Variants in SIK3 observed in about 807,000 individuals in gnomAD.
SIK3 encodes serine/threonine-protein kinase SIK3.
SIK3 carries 28 observed loss-of-function variants against 144.2 expected under a neutral mutation model. That is an observed-to-expected ratio of 0.19 (90% CI 0.14 to 0.27). SIK3 has a LOEUF of 0.27. SIK3 is among the 10% of genes least tolerant of loss of function. The pLI is 1.00. For missense variants in SIK3, 1,319 were observed against 1,776.0 expected (o/e 0.74, Z 4.62); for synonymous variants, 686 against 676.3 (o/e 1.01, Z -0.22).
In SIK3 at chr11:116,849,303, T is replaced by A; in HGVS notation, c.3656-20A>T. The A allele has an allele frequency of 6.2e-7, 1 of 1,613,752 alleles. No homozygotes were observed. Among genetic ancestry groups the A allele is most frequent in the Non-Finnish European group, 8.5e-7 (1 of 1,179,810 alleles). ...CAGGCTCTGAGGAGACACAGCAGAA[T>A]AGAGTCAGTGGGGCGGAACTTCTCC... On this transcript the variant is annotated intron_variant, in intron 21 of 24. Coordinates refer to ENST00000445177, the MANE Select transcript of SIK3 (RefSeq NM_001366686.3). The surrounding 1 kb of genome is among the most constrained non-coding windows in gnomAD (Gnocchi z 4.2).
chr11:117,076,601 A>C (rs531729021), intron 1 of SIK3, among the ~76,000 whole-genome samples: 4 of 151,826 alleles, frequency 2.6e-5, no homozygotes, highest in Non-Finnish European at 5.9e-5. Flanking sequence ...ATCTTGGCTC[A>C]CTGCAACCTC....
intron 6 of SIK3, among the ~76,000 whole-genome samples, chr11:116,895,484 G>A (rs772219110): frequency 1.3e-5 from 2 of 152,186 alleles, no homozygotes; most frequent in Admixed American, 6.5e-5. Flanking sequence ...TCACCTCTTT[G>A]TTCTAAAATG....
At chr11:116,946,766 C>A (rs1474319826) in intron 3 of SIK3, among the ~76,000 whole-genome samples, 1 of 152,144 alleles carries the variant, frequency 6.6e-6, no homozygotes, top group Non-Finnish European at 1.5e-5. Flanking sequence ...CTCAAAATAG[C>A]ACCCAATGCC....
chr11:116,990,545 A>T (rs958965583), intron 1 of SIK3, among the ~76,000 whole-genome samples: 1 of 152,202 alleles, frequency 6.6e-6, no homozygotes, highest in African/African-American at 2.4e-5. Flanking sequence ...TTGAAAGTAA[A>T]TTTTTTAAAA....
chr11:116,955,073 A>G (rs1318594823), intron 2 of SIK3, among the ~76,000 whole-genome samples: 1 of 151,912 alleles, frequency 6.6e-6, no homozygotes, highest in African/African-American at 2.4e-5. Flanking sequence ...TTAGTTTTAC[A>G]CTTAAATTAA....
intron 4 of SIK3, among the ~76,000 whole-genome samples, chr11:116,901,466 A>G (rs1945737157): frequency 6.6e-6 from 1 of 152,212 alleles, no homozygotes; most frequent in Non-Finnish European, 1.5e-5. Flanking sequence ...GGGGTGTGGC[A>G]GTCAGGACCA....
In SIK3 at chr11:116,934,450, T is replaced by C. The variant is rs536383212; in HGVS notation, c.455-7070A>G. On this transcript the variant is annotated intron_variant, in intron 3 of 24. Transcript: ENST00000445177. The stretch of plus-strand genomic sequence containing the variant: ...CACTAACATATATGACCTGTCTTCA[T>C]ATATCCAAGTCTGTACTTGGCATAC... Among the ~76,000 whole-genome samples the C allele has an allele frequency of 2.6e-3, 401 of 152,362 alleles. 5 individuals are homozygous for C. The highest frequency in any genetic ancestry group is 9.4e-3 in the African/African-American group (390 of 41,594).
chr11:117,035,873 G>C, intron 1 of SIK3: 1 of 1,596,090 alleles, frequency 6.3e-7, no homozygotes, highest in African/African-American at 1.3e-5. Flanking sequence ...GAGGACAGTG[G>C]AGCAGCCAAC....
Position 116,914,112 on chromosome 11 carries a change from A to C in SIK3, c.616+13107T>G, listed in dbSNP as rs114130267. Among the ~76,000 whole-genome samples, 1,405 of 152,258 alleles carry C rather than the reference A, an allele frequency of 9.2e-3. 14 individuals carry two copies. The highest frequency in any genetic ancestry group is 0.025 in the African/African-American group (1,039 of 41,548). On this transcript the variant is annotated intron_variant, in intron 4 of 24. Transcript: ENST00000445177. ...AGCTAATAGGAAACAAACAAACAAA[A>C]AAAAACTTCAAATGAGAGCAGACAT...
chr11:116,916,106 T>C (rs563451427), intron 4 of SIK3, among the ~76,000 whole-genome samples: 4 of 152,336 alleles, frequency 2.6e-5, no homozygotes, highest in African/African-American at 9.6e-5. Context: ...ATGAATCTCT[T>C]GGAACACTGA....
chr11:116,875,718 G>C, intron 9 of SIK3, 148 bp downstream of exon 9: 1 of 1,034,630 alleles, frequency 9.7e-7, no homozygotes, highest in Non-Finnish European at 1.4e-6. Flanking sequence ...TCTTTGATTG[G>C]CCTCTGACAA....
At chr11:117,063,498 CCTT>C (rs1953888410) in intron 1 of SIK3, among the ~76,000 whole-genome samples, 1 of 152,034 alleles carries the variant, frequency 6.6e-6, no homozygotes, top group South Asian at 2.1e-4. Flanking sequence ...GGTAAATAAT[CCTT>C]CTGGCCTGAT....
At chr11:116,921,124 T>A (rs984881066) in intron 4 of SIK3, among the ~76,000 whole-genome samples, 8 of 152,214 alleles carry the variant, frequency 5.3e-5, no homozygotes, top group Admixed American at 3.3e-4. Flanking sequence ...AGGCCAAGAA[T>A]CCTACTCTTT....
intron 3 of SIK3, among the ~76,000 whole-genome samples, chr11:116,943,734 T>C (rs993537336): frequency 6.6e-6 from 1 of 152,160 alleles, no homozygotes; most frequent in Admixed American, 6.5e-5. Context: ...ACTCTACCAA[T>C]GTATAGCAAC....
intron 6 of SIK3, among the ~76,000 whole-genome samples, chr11:116,894,910 C>T (rs940364830): frequency 1.3e-5 from 2 of 152,156 alleles, no homozygotes; most frequent in Admixed American, 1.3e-4. Context: ...TACCTTTTAG[C>T]CTACCGGCAA....
chr11:117,091,230 G>A (rs1555151285), intron 1 of SIK3, among the ~76,000 whole-genome samples: 1 of 120,256 alleles, frequency 8.3e-6, no homozygotes, highest in South Asian at 2.7e-4. Flanking sequence ...TTGAGACGGA[G>A]TTTCACTCTT....
At chr11:116,943,569 T>A (rs1309026318) in intron 3 of SIK3, among the ~76,000 whole-genome samples, 2 of 152,178 alleles carry the variant, frequency 1.3e-5, no homozygotes, top group Non-Finnish European at 2.9e-5. Context: ...GCCTTCACAT[T>A]CATCAAAGAC....
intron 1 of SIK3, among the ~76,000 whole-genome samples, chr11:117,024,341 C>T (rs909700818): frequency 4.0e-5 from 6 of 149,748 alleles, no homozygotes; most frequent in Non-Finnish European, 8.9e-5. Flanking sequence ...AAAAGCATTA[C>T]CAATATTGGC....
rs74866260 is a variant in SIK3 at position 117,076,356 on chromosome 11, T to C, written c.273+21787A>G. Among the ~76,000 whole-genome samples, 8 of 152,254 alleles carry C rather than the reference T, an allele frequency of 5.3e-5. No homozygotes were observed. In the East Asian group the frequency reaches 1.5e-3, roughly 29 times the overall value. On this transcript the variant is annotated intron_variant, in intron 1 of 24. Transcript: ENST00000445177. ...AAATCATTAATTTGAACTCCAATGA[T>C]TAAATGAGCACAATGCAGACCATCC...
Sources: gnomAD v4.1 joint callset for allele counts (sites outside exome capture counted in the v4.1 genomes callset) on GRCh38, gnomAD v4.1.1 for gene constraint, Gnocchi (gnomAD v3.1) non-coding constraint, MANE v1.5 for transcripts, NCBI Gene and HGNC (gene_info 2026-07-23, HGNC 2026-07-21) for gene names.